The following CNTNAP2 variants were observed in gnomAD, a reference collection of about 807,000 sequenced individuals.
CNTNAP2 encodes contactin-associated protein-like 2.
Under a neutral mutation model 155.2 loss-of-function variants are expected in CNTNAP2, and 98 were observed. That is an observed-to-expected ratio of 0.63 (90% confidence interval 0.54 to 0.75). The LOEUF (loss-of-function observed/expected upper bound fraction) is 0.75. Ranked by LOEUF, CNTNAP2 falls within the 30% of genes least tolerant of loss-of-function variation. The probability of loss-of-function intolerance (pLI) is 0.00; values close to 1 mark genes in which losing one functional copy is unlikely to be tolerated. For synonymous variants in CNTNAP2, 651 were observed against 631.2 expected (o/e 1.03, Z -0.47); for missense variants, 1,727 against 1,688.1 (o/e 1.02, Z -0.40).
chr7:146,768,413 GCCCC>G (rs373483660), intron 1 of CNTNAP2, among the ~76,000 whole-genome samples: 26 of 151,536 alleles, frequency 1.7e-4, no homozygotes, highest in African/African-American at 6.1e-4. Context: ...GATGTTGTGT[GCCCC>G]CCCACATTTC....
chr7:147,735,511 G>A (rs1251245740), intron 13 of CNTNAP2, among the ~76,000 whole-genome samples: 1 of 152,156 alleles, frequency 6.6e-6, no homozygotes, highest in Non-Finnish European at 1.5e-5. Context: ...GATTTGGGGT[G>A]GAGAGTTCTG....
chr7:146,287,580 C>A (rs929519186), intron 1 of CNTNAP2, among the ~76,000 whole-genome samples: 9 of 152,174 alleles, frequency 5.9e-5, no homozygotes, highest in African/African-American at 2.2e-4. Flanking sequence ...AGGGAGAGAG[C>A]TTTCAACAGA....
In CNTNAP2 at chr7:147,227,190, C is replaced by T. The variant is rs185373491; in HGVS notation, c.1349-72951C>T. ...ATGTAGGAAGGAAGAACTGCAAGTG[C>T]AAAGGCCAGGAGGCAGGAAGATGCC... On this transcript the variant is annotated intron_variant, in intron 8 of 23. Coordinates refer to ENST00000361727, the MANE Select transcript of CNTNAP2 (RefSeq NM_014141.6). Among the ~76,000 whole-genome samples, 3 of 152,208 alleles carry T rather than the reference C, an allele frequency of 2.0e-5. No individual in the cohort carries two copies. The East Asian group carries it at 5.8e-4, about 29-fold the overall frequency.
intron 13 of CNTNAP2, among the ~76,000 whole-genome samples, chr7:147,716,541 C>T (rs979917883): frequency 1.2e-4 from 18 of 152,148 alleles, no homozygotes; most frequent in African/African-American, 4.3e-4. Flanking sequence ...AGCCATGTTG[C>T]CAATTTCTTT....
intron 13 of CNTNAP2, among the ~76,000 whole-genome samples, chr7:147,841,365 G>T (rs1384057890): frequency 6.6e-6 from 1 of 152,140 alleles, no homozygotes; most frequent in Non-Finnish European, 1.5e-5. Context: ...GCTTTTGTCA[G>T]TATCTAAGGC....
intron 13 of CNTNAP2, among the ~76,000 whole-genome samples, chr7:147,660,585 T>A (rs1795594215): frequency 6.6e-6 from 1 of 152,240 alleles, no homozygotes; most frequent in Admixed American, 6.5e-5. Flanking sequence ...GGTTTTGCAT[T>A]TAGTACCCTT....
At chr7:148,409,534 A>G (rs1799779289) in intron 23 of CNTNAP2, 63 bp downstream of exon 23, 1 of 1,416,528 alleles carries the variant, frequency 7.1e-7, no homozygotes, top group Non-Finnish European at 1.0e-6. Context: ...ATAGTTGTCA[A>G]TAACATAGTA....
chr7:146,807,613 T>C (rs1327088321), intron 2 of CNTNAP2, among the ~76,000 whole-genome samples: 1 of 152,064 alleles, frequency 6.6e-6, no homozygotes, highest in Non-Finnish European at 1.5e-5. Context: ...AAGGTCAATT[T>C]TCCTTACCTA....
intron 1 of CNTNAP2, among the ~76,000 whole-genome samples, chr7:146,414,783 A>T (rs1475324252): frequency 6.6e-6 from 1 of 152,192 alleles, no homozygotes; most frequent in Admixed American, 6.5e-5. Context: ...AACAAAAACT[A>T]GAAAACACTT....
intron 15 of CNTNAP2, among the ~76,000 whole-genome samples, chr7:148,090,608 G>C (rs1803818817): frequency 6.6e-6 from 1 of 152,066 alleles, no homozygotes; most frequent in South Asian, 2.1e-4. Context: ...AACAAGTGTT[G>C]GTGAGAATGT....
intron 1 of CNTNAP2, among the ~76,000 whole-genome samples, chr7:146,630,382 A>G (rs878952227): frequency 6.6e-6 from 1 of 152,210 alleles, no homozygotes; most frequent in East Asian, 1.9e-4. Context: ...CCAGTCTATC[A>G]TTGATGGGAA....
intron 13 of CNTNAP2, among the ~76,000 whole-genome samples, chr7:147,702,885 A>T (rs1265844204): frequency 6.6e-6 from 1 of 152,140 alleles, no homozygotes; most frequent in Non-Finnish European, 1.5e-5. Flanking sequence ...TGGGCTTTGC[A>T]AATTAGGTAG....
intron 15 of CNTNAP2, among the ~76,000 whole-genome samples, chr7:147,988,637 G>A (rs1270343146): frequency 1.3e-5 from 2 of 152,008 alleles, no homozygotes; most frequent in African/African-American, 4.8e-5. Flanking sequence ...GGCTGGATGG[G>A]TTCTGCCTCC....
intron 1 of CNTNAP2, among the ~76,000 whole-genome samples, chr7:146,770,708 A>C (rs1389054353): frequency 6.6e-6 from 1 of 152,194 alleles, no homozygotes; most frequent in Non-Finnish European, 1.5e-5. Flanking sequence ...TAAAAAATGT[A>C]AAATTTGGTA....
intron 4 of CNTNAP2, among the ~76,000 whole-genome samples, chr7:147,074,028 T>G (rs2129266387): frequency 6.6e-6 from 1 of 152,324 alleles, no homozygotes; most frequent in Middle Eastern, 3.4e-3. Context: ...TGAATTCAAT[T>G]AACCTATTAT....
At chr7:146,747,911 T>C (rs1801835763) in intron 1 of CNTNAP2, among the ~76,000 whole-genome samples, 1 of 152,106 alleles carries the variant, frequency 6.6e-6, no homozygotes, top group Admixed American at 6.6e-5. Flanking sequence ...ATAATATCTA[T>C]CCAATATGAT....
At chr7:148,289,419 G>C (rs10277373) in intron 21 of CNTNAP2, among the ~76,000 whole-genome samples, 82,819 of 151,982 alleles carry the variant, frequency 0.54, 23,490 homozygotes, top group East Asian at 0.78. Context: ...GGGAGTTTTC[G>C]GAACAGATTT....
At chr7:147,763,384 A>C (rs969504860) in intron 13 of CNTNAP2, among the ~76,000 whole-genome samples, 11 of 151,940 alleles carry the variant, frequency 7.2e-5, no homozygotes, top group African/African-American at 2.7e-4. Context: ...TGTTGGGAGA[A>C]ATGAGAGGGA....
At position 148,414,499 on chromosome 7, in the gene CNTNAP2, CTG is replaced by C. The variant is rs1182345623; in HGVS notation, c.3797-917_3797-916del. On this transcript the variant is annotated intron_variant, in intron 23 of 23. Transcript: ENST00000361727. ...CTAATAGCTATTGTACTGTCCTCATCTGCTCATTCCATGCTCTGTCCTTTCTG... is the reference window on the plus strand; with the variant it reads ...CTAATAGCTATTGTACTGTCCTCATCCTCATTCCATGCTCTGTCCTTTCTG... 5.2e-3 allele frequency among the ~76,000 whole-genome samples: 771 copies of C among 148,412 alleles called. 11 individuals are homozygous for C. Among genetic ancestry groups the C allele is most frequent in the African/African-American group, 0.018 (706 of 39,860 alleles).
Sources: gnomAD v4.1 joint callset for allele counts (sites outside exome capture counted in the v4.1 genomes callset) on GRCh38, gnomAD v4.1.1 for gene constraint, MANE v1.5 for transcripts, NCBI Gene and HGNC (gene_info 2026-07-23, HGNC 2026-07-21) for gene names.